LSM11: variants seen among roughly 807,000 people sequenced by gnomAD.
LSM11 encodes the protein U7 snRNA-associated Sm-like protein LSm11.
In LSM11, 14 loss-of-function variants were observed where a neutral mutation model predicts 28.1. The observed-to-expected ratio is 0.50, with a 90% CI of 0.33 to 0.78. The LOEUF is 0.78. Ranked by LOEUF, LSM11 falls within the 30% of genes least tolerant of loss-of-function variation. LSM11 has a pLI of 0.02. For synonymous variants in LSM11, 207 were observed against 214.2 expected, an observed-to-expected ratio of 0.97 and a Z score of 0.30; for missense variants, 495 against 510.6, an observed-to-expected ratio of 0.97 and a Z score of 0.30.
At chr5:157,753,889 G>A (rs1407858019) in intron 2 of LSM11, 115 bp from the exon 3 acceptor site, 2 of 587,120 alleles carry the variant, frequency 3.4e-6, no homozygotes, top group Admixed American at 4.0e-5. Context: ...CATCTGTTAA[G>A]TGTAGTTCTG....
chr5:157,750,148 G>A (rs953682187), intron 1 of LSM11, among the ~76,000 whole-genome samples: 1 of 152,194 alleles, frequency 6.6e-6, no homozygotes, highest in Non-Finnish European at 1.5e-5. Context: ...CTACTCAGTG[G>A]GTTGAGCTAG....
chr5:157,747,257 G>A lies in LSM11; in HGVS notation c.448+3059G>A, dbSNP rs1761162270. On this transcript the variant is annotated intron_variant, in intron 1 of 3. Coordinates refer to ENST00000286307, the MANE Select transcript of LSM11 (RefSeq NM_173491.4). ...AAGCAAGCTTTTTCTAGGTATATCTGTCACTGTGAAATGAACTGGTGTGTT... is the reference window on the plus strand; with the variant it reads ...AAGCAAGCTTTTTCTAGGTATATCTATCACTGTGAAATGAACTGGTGTGTT... Among the ~76,000 whole-genome samples the A allele has an allele frequency of 2.0e-5, 3 of 152,196 alleles. No individual in the cohort carries two copies. The South Asian group carries it at 6.2e-4, about 31-fold the overall frequency.
chr5:157,753,764 T>C (rs1474110965), intron 2 of LSM11, among the ~76,000 whole-genome samples: 1 of 152,170 alleles, frequency 6.6e-6, no homozygotes, highest in Non-Finnish European at 1.5e-5. Flanking sequence ...TACCATGCAG[T>C]CATAAAGGCC....
Position 157,755,825 on chromosome 5 carries a change from T to G in LSM11, c.*561T>G, listed in dbSNP as rs1761317397. 2.5e-6 allele frequency: 1 copy of G among 400,526 alleles called. No individual in the cohort carries two copies. The highest frequency in any genetic ancestry group is 4.4e-6 in the Non-Finnish European group (1 of 227,596). 24.8% of individuals were successfully genotyped at this position (400,526 alleles called of 1,614,324 possible). ...GGAAAGTTACCAACTTATGTAGGGG[T>G]GAAATTTGGATAGGCGGTATGCTCA... On this transcript the variant is annotated 3_prime_UTR_variant, in exon 4 of 4. Transcript: ENST00000286307.
chr5:157,744,678 G>C (rs111657895), intron 1 of LSM11, among the ~76,000 whole-genome samples: 1 of 152,116 alleles, frequency 6.6e-6, no homozygotes, highest in East Asian at 1.9e-4. Flanking sequence ...CGGGAGACGT[G>C]GGGGAGCGCA....
chr5:157,757,259 C>T lies in LSM11; in HGVS notation c.*1995C>T, dbSNP rs982584603. On this transcript the variant is annotated 3_prime_UTR_variant, in exon 4 of 4. Coordinates refer to ENST00000286307, the MANE Select transcript of LSM11 (RefSeq NM_173491.4). The stretch of plus-strand genomic sequence containing the variant: ...AAGGCAGCAGTATCTTCTGGAACTT[C>T]CATATTCCATTCCTTCCTCCTAAGG... 3.3e-5 allele frequency: 5 copies of T among 152,014 alleles called. No individual in the cohort carries two copies. The highest frequency in any genetic ancestry group is 1.2e-4 in the African/African-American group (5 of 41,366). 9.4% of individuals were successfully genotyped at this position (152,014 alleles called of 1,614,324 possible). A position where few individuals can be genotyped will look rare whatever the true frequency, so the allele number is the denominator to read the frequency against.
chr5:157,749,373 G>A (rs542690552), intron 1 of LSM11, among the ~76,000 whole-genome samples: 2 of 152,292 alleles, frequency 1.3e-5, no homozygotes, highest in East Asian at 3.9e-4. Flanking sequence ...CATGTGATCA[G>A]TTTCTAAGAA....
At chr5:157,749,607 C>T (rs1049656617) in intron 1 of LSM11, among the ~76,000 whole-genome samples, 1 of 149,894 alleles carries the variant, frequency 6.7e-6, no homozygotes, top group Non-Finnish European at 1.5e-5. Flanking sequence ...CACACACACA[C>T]CCACACACCC....
At position 157,759,593 on chromosome 5, in the gene LSM11, A is replaced by G. The variant is rs1329408685; in HGVS notation, c.*4329A>G. On this transcript the variant is annotated 3_prime_UTR_variant, in exon 4 of 4. Coordinates refer to ENST00000286307, the MANE Select transcript of LSM11 (RefSeq NM_173491.4). Reference sequence around the variant, plus strand: ...TGTTGCTGTAGGAAAGTCAAGGTTCATGTAAGAGTATCGTGGTGTAAATAT... The same window carrying G: ...TGTTGCTGTAGGAAAGTCAAGGTTCGTGTAAGAGTATCGTGGTGTAAATAT... The G allele has an allele frequency of 6.6e-6, 1 of 152,238 alleles. No individual in the cohort carries two copies. The highest frequency in any genetic ancestry group is 1.5e-5 in the Non-Finnish European group (1 of 68,044). The allele number at this position is 152,238 out of a possible 1,614,324, so 9.4% of individuals were successfully genotyped here.
chr5:157,750,941 C>G (rs989905516), intron 1 of LSM11, among the ~76,000 whole-genome samples: 1 of 152,088 alleles, frequency 6.6e-6, no homozygotes, highest in Non-Finnish European at 1.5e-5. Flanking sequence ...GCCACCATGC[C>G]TGGCTAATTT....
intron 1 of LSM11, among the ~76,000 whole-genome samples, chr5:157,750,203 A>G (rs929247984): frequency 2.6e-5 from 4 of 152,148 alleles, no homozygotes; most frequent in Non-Finnish European, 5.9e-5. Context: ...GTGAGCTGTG[A>G]TTGTGCCACT....
chr5:157,745,324 T>C (rs2113066802), intron 1 of LSM11, among the ~76,000 whole-genome samples: 1 of 152,292 alleles, frequency 6.6e-6, no homozygotes, highest in Non-Finnish European at 1.5e-5. Flanking sequence ...AATTTGTTTA[T>C]TAAGAGAGAA....
rs1419900870 is a variant in LSM11, at chr5:157,744,273, C to T, written c.448+75C>T. On this transcript the variant is annotated intron_variant, in intron 1 of 3. Transcript: ENST00000286307. ...GGCTGCCGAGGGGGCGTCTGCGGGGCGGCGGTGGCCGGGCGCGGGTCTGCA... is the reference window on the plus strand; with the variant it reads ...GGCTGCCGAGGGGGCGTCTGCGGGGTGGCGGTGGCCGGGCGCGGGTCTGCA... The T allele has an allele frequency of 1.5e-5, 17 of 1,098,560 alleles. No individual in the cohort carries two copies. In the East Asian group the frequency reaches 5.3e-4, roughly 34 times the overall value. 68.1% of individuals were successfully genotyped at this position (1,098,560 alleles called of 1,614,324 possible). A position where few individuals can be genotyped will look rare whatever the true frequency, so the allele number is the denominator to read the frequency against.
intron 3 of LSM11, 122 bp from the exon 4 acceptor site, chr5:157,754,731 TA>T: frequency 2.6e-6 from 2 of 757,054 alleles, no homozygotes; most frequent in Non-Finnish European, 4.0e-6. Context: ...TACTAACTTT[TA>T]AAAAATTGCA....
chr5:157,755,504 G>A lies in LSM11; in HGVS notation c.*240G>A, dbSNP rs1439096785. 3 of 556,494 alleles carry A rather than the reference G, an allele frequency of 5.4e-6. No homozygotes were observed. The highest frequency in any genetic ancestry group is 9.5e-6 in the Non-Finnish European group (3 of 317,126). 34.5% of individuals were successfully genotyped at this position (556,494 alleles called of 1,614,324 possible). A position where few individuals can be genotyped will look rare whatever the true frequency, so the allele number is the denominator to read the frequency against. ...TTCATAGATACATGCATCTGATTTG[G>A]TATTGTGATTTACTTCAGACCCTGA... On this transcript the variant is annotated 3_prime_UTR_variant, in exon 4 of 4. Coordinates refer to ENST00000286307, the MANE Select transcript of LSM11 (RefSeq NM_173491.4).
At chr5:157,749,792 T>G (rs1351974461) in intron 1 of LSM11, among the ~76,000 whole-genome samples, 2 of 152,222 alleles carry the variant, frequency 1.3e-5, no homozygotes, top group Non-Finnish European at 2.9e-5. Flanking sequence ...CCTGCTAGTC[T>G]GCTAAGTCAT....
At chr5:157,754,136 T>C in intron 3 of LSM11, 49 bp downstream of exon 3, 1 of 1,317,408 alleles carries the variant, frequency 7.6e-7, no homozygotes, top group East Asian at 2.6e-5. Flanking sequence ...GCTTTCCAGC[T>C]TAGGAATTAA....
intron 1 of LSM11, among the ~76,000 whole-genome samples, chr5:157,744,577 G>A (rs1044703812): frequency 6.6e-6 from 1 of 152,114 alleles, no homozygotes; most frequent in Non-Finnish European, 1.5e-5. Flanking sequence ...GAGGTGGCGG[G>A]GCTACAGAGT....
At chr5:157,751,649 A>G in intron 2 of LSM11, 120 bp downstream of exon 2, 1 of 1,154,502 alleles carries the variant, frequency 8.7e-7, no homozygotes. Context: ...TAGAAGAACT[A>G]GAATTTTTGC....
Sources: allele counts gnomAD v4.1 joint callset (sites outside exome capture counted in the v4.1 genomes callset), GRCh38; gene constraint gnomAD v4.1.1; transcripts MANE v1.5; gene names NCBI Gene and HGNC (gene_info 2026-07-23, HGNC 2026-07-21).